Variants in PLCB1 observed in about 807,000 individuals in gnomAD.
PLCB1 encodes the protein phospholipase C beta 1, also known as 1-phosphatidylinositol 4,5-bisphosphate phosphodiesterase beta-1.
PLCB1 carries 46 observed loss-of-function variants against 161.8 expected under a neutral mutation model. The observed-to-expected ratio is 0.28, with a 90% CI of 0.22 to 0.36. The LOEUF is 0.36. Ranked by LOEUF, PLCB1 falls within the 10% of genes least tolerant of loss-of-function variation. PLCB1 has a pLI of 1.00. For synonymous variants in PLCB1, 517 were observed against 503.7 expected, an observed-to-expected ratio of 1.03 and a Z score of -0.35; for missense variants, 1,016 against 1,472.5, an observed-to-expected ratio of 0.69 and a Z score of 5.07.
chr20:8,171,407 T>TTTG (rs557721381), intron 2 of PLCB1, among the ~76,000 whole-genome samples: 1 of 152,106 alleles, frequency 6.6e-6, no homozygotes, highest in African/African-American at 2.4e-5. Flanking sequence ...TGTTATGTTT[T>TTTG]TTGTTGTTGT....
At chr20:8,501,192 C>T (rs577991273) in intron 3 of PLCB1, among the ~76,000 whole-genome samples, 5 of 152,290 alleles carry the variant, frequency 3.3e-5, no homozygotes, top group East Asian at 1.9e-4. Context: ...CCCTTTTCCA[C>T]GACAAGGACC....
At chr20:8,335,326 C>T (rs932995947) in intron 2 of PLCB1, among the ~76,000 whole-genome samples, 8 of 152,208 alleles carry the variant, frequency 5.3e-5, no homozygotes, top group Non-Finnish European at 8.8e-5. Flanking sequence ...CAACCATTCA[C>T]GACATGCTGA....
At chr20:8,741,394 G>GT in intron 22 of PLCB1, 70 bp from the exon 23 acceptor site, 3 of 1,016,182 alleles carry the variant, frequency 3.0e-6, no homozygotes, top group Non-Finnish European at 4.6e-6. Flanking sequence ...AGATAGATGA[G>GT]TAAGTAGATG....
At chr20:8,541,592 G>GAAAT (rs1405583715) in intron 3 of PLCB1, among the ~76,000 whole-genome samples, 32 of 135,222 alleles carry the variant, frequency 2.4e-4, no homozygotes, top group Admixed American at 5.8e-4. Flanking sequence ...AAGAAAGAAA[G>GAAAT]AAAGAAAGAA....
intron 3 of PLCB1, among the ~76,000 whole-genome samples, chr20:8,614,321 A>G (rs1344165009): frequency 6.6e-6 from 1 of 151,750 alleles, no homozygotes; most frequent in African/African-American, 2.4e-5. Flanking sequence ...TTATCATTCA[A>G]GTATTCAATT....
chr20:8,576,964 A>G (rs1166140776), intron 3 of PLCB1, among the ~76,000 whole-genome samples: 1 of 152,136 alleles, frequency 6.6e-6, no homozygotes, highest in Non-Finnish European at 1.5e-5. Flanking sequence ...TACAGAGGTA[A>G]TATTAGAGAG....
At chr20:8,576,260 C>G (rs1006249501) in intron 3 of PLCB1, among the ~76,000 whole-genome samples, 11 of 152,128 alleles carry the variant, frequency 7.2e-5, no homozygotes, top group Middle Eastern at 3.2e-3. Context: ...TAAAGGAACA[C>G]TATTTAGGAG....
At chr20:8,508,417 C>T (rs1983734522) in intron 3 of PLCB1, among the ~76,000 whole-genome samples, 1 of 152,146 alleles carries the variant, frequency 6.6e-6, no homozygotes, top group African/African-American at 2.4e-5. Context: ...ACAGTGTGTA[C>T]CTAAACACGT....
chr20:8,495,978 G>C (rs1173495793), intron 3 of PLCB1, among the ~76,000 whole-genome samples: 2 of 152,092 alleles, frequency 1.3e-5, no homozygotes, highest in East Asian at 1.9e-4. Context: ...TTCTACATTA[G>C]GTTTTCCTCC....
At chr20:8,245,373 A>G (rs896218616) in intron 2 of PLCB1, among the ~76,000 whole-genome samples, 1 of 151,936 alleles carries the variant, frequency 6.6e-6, no homozygotes, top group African/African-American at 2.4e-5. Flanking sequence ...TCTTTGTGCT[A>G]TAAAAATGAT....
chr20:8,845,101 A>G (rs6086640), intron 31 of PLCB1, among the ~76,000 whole-genome samples: 49,947 of 151,922 alleles, frequency 0.33, 9,027 homozygotes, highest in East Asian at 0.63. Flanking sequence ...GCAATAGAGC[A>G]AGACTCTGTC....
At chr20:8,777,848 G>A (rs1983021718) in intron 27 of PLCB1, among the ~76,000 whole-genome samples, 1 of 152,082 alleles carries the variant, frequency 6.6e-6, no homozygotes, top group African/African-American at 2.4e-5. Flanking sequence ...GACTGGGGAA[G>A]CCTCACAGTC....
rs78641297 is a variant in PLCB1, at chr20:8,541,596, G to T, written c.247-86698G>T. The stretch of plus-strand genomic sequence containing the variant: ...AGAAAGAAAGAAAGAAAGAAAGAAA[G>T]AAAGAAAGAAAGGAAGGAAGATAGT... On this transcript the variant is annotated intron_variant, in intron 3 of 31. Coordinates refer to ENST00000338037, the MANE Select transcript of PLCB1 (RefSeq NM_015192.4). 3.5e-3 allele frequency among the ~76,000 whole-genome samples: 528 copies of T among 150,546 alleles called. 3 individuals are homozygous for T. The highest frequency in any genetic ancestry group is 0.017 in the Middle Eastern group (5 of 292).
chr20:8,390,934 G>C (rs1468231639), intron 3 of PLCB1, among the ~76,000 whole-genome samples: 1 of 151,430 alleles, frequency 6.6e-6, no homozygotes, highest in Non-Finnish European at 1.5e-5. Flanking sequence ...ATATCATCTA[G>C]TTGCGGTAAG....
intron 2 of PLCB1, among the ~76,000 whole-genome samples, chr20:8,292,715 A>G (rs1983441532): frequency 6.6e-6 from 1 of 152,174 alleles, no homozygotes; most frequent in Non-Finnish European, 1.5e-5. Flanking sequence ...ATTGACTTAA[A>G]AGGGGCCTGG....
intron 3 of PLCB1, among the ~76,000 whole-genome samples, chr20:8,596,585 C>T (rs1408522282): frequency 2.4e-5 from 2 of 83,318 alleles, no homozygotes; most frequent in Admixed American, 1.5e-4. Flanking sequence ...GCGATGCGGG[C>T]TCTTTTTTTG....
At chr20:8,831,540 A>T (rs1985979664) in intron 31 of PLCB1, 1 of 152,218 alleles carries the variant, frequency 6.6e-6, no homozygotes, top group African/African-American at 2.4e-5. Context: ...AGATATTGAG[A>T]TGTTGAATAA....
At chr20:8,195,279 A>C (rs1056399739) in intron 2 of PLCB1, among the ~76,000 whole-genome samples, 3 of 152,024 alleles carry the variant, frequency 2.0e-5, no homozygotes, top group African/African-American at 7.2e-5. Flanking sequence ...TTTCAAGTTA[A>C]GATTCTCCTA....
intron 2 of PLCB1, among the ~76,000 whole-genome samples, chr20:8,168,532 A>G (rs2051698662): frequency 6.6e-6 from 1 of 152,142 alleles, no homozygotes. Context: ...GGTTATAGGG[A>G]AGTAAAGCCG....
Sources: allele counts gnomAD v4.1 joint callset (sites outside exome capture counted in the v4.1 genomes callset), GRCh38; gene constraint gnomAD v4.1.1; transcripts MANE v1.5; gene names NCBI Gene and HGNC (gene_info 2026-07-23, HGNC 2026-07-21).